Variants in PRMT7 observed in about 807,000 individuals in gnomAD.
PRMT7 encodes protein arginine methyltransferase 7, also known as protein arginine N-methyltransferase 7.
Under a neutral mutation model 85.4 loss-of-function variants are expected in PRMT7, and 75 were observed. The ratio of observed to expected loss-of-function variants is 0.88; its 90% CI spans 0.73 to 1.06. The LOEUF (loss-of-function observed/expected upper bound fraction) is 1.06, where lower values mean the gene tolerates loss of function less well. Ranked by LOEUF, PRMT7 falls within the 50% of genes least tolerant of loss-of-function variation. The pLI, the probability that PRMT7 is intolerant of heterozygous loss-of-function variation, is 0.00. For synonymous variants in PRMT7, 397 were observed against 359.5 expected (o/e 1.10, Z -1.18); for missense variants, 868 against 915.2 (o/e 0.95, Z 0.67).
At position 68,317,104 on chromosome 16, in the gene PRMT7, G is replaced by C. The variant is rs1011108146; in HGVS notation, c.95+1030G>C. On this transcript the variant is annotated intron_variant, in intron 3 of 18. Coordinates refer to ENST00000441236, the MANE Select transcript of PRMT7 (RefSeq NM_019023.5). ...TAAAAAAAAATTAGCTGGGAGTGGT[G>C]GTGGGCGCCTGTAATCCCAGGTACT... 5.3e-5 allele frequency among the ~76,000 whole-genome samples: 8 copies of C among 151,942 alleles called. No individual in the cohort carries two copies. The South Asian group carries it at 1.0e-3, about 20-fold the overall frequency.
chr16:68,349,037 C>T (rs1265933863), intron 14 of PRMT7, among the ~76,000 whole-genome samples: 6 of 152,216 alleles, frequency 3.9e-5, no homozygotes, highest in Middle Eastern at 3.4e-3. Context: ...TCCTCTCCAC[C>T]GCACTCCTGT....
intron 6 of PRMT7, among the ~76,000 whole-genome samples, chr16:68,333,265 C>T (rs2084171709): frequency 6.6e-6 from 1 of 151,950 alleles, no homozygotes; most frequent in African/African-American, 2.4e-5. Flanking sequence ...TGGCGGATCA[C>T]CTGAGGTTGG....
At chr16:68,356,136 C>T (rs1340918864) in intron 17 of PRMT7, among the ~76,000 whole-genome samples, 2 of 152,186 alleles carry the variant, frequency 1.3e-5, no homozygotes, top group African/African-American at 4.8e-5. Context: ...CTTGTTGGAT[C>T]ACAGCTCAGG....
At chr16:68,314,497 G>C (rs1271271289) in intron 2 of PRMT7, among the ~76,000 whole-genome samples, 1 of 152,212 alleles carries the variant, frequency 6.6e-6, no homozygotes, top group African/African-American at 2.4e-5. Context: ...CTCCCAAAGT[G>C]CTGGGATTAC....
intron 6 of PRMT7, among the ~76,000 whole-genome samples, chr16:68,334,877 A>G (rs1463365827): frequency 6.6e-6 from 1 of 152,070 alleles, no homozygotes; most frequent in East Asian, 1.9e-4. Context: ...GCTCACTACA[A>G]CATCTGCCTC....
intron 11 of PRMT7, among the ~76,000 whole-genome samples, 175 bp downstream of exon 11, chr16:68,346,455 G>C (rs1250015264): frequency 1.3e-5 from 2 of 152,204 alleles, no homozygotes; most frequent in African/African-American, 4.8e-5. Flanking sequence ...AGAGCCTGGG[G>C]CTGGACTTCC....
rs562521217 is a variant in PRMT7 at position 68,345,809 on chromosome 16, C to T, written c.1055+7C>T. On this transcript the variant is annotated splice_region_variant and intron_variant, in intron 10 of 18. Coordinates refer to ENST00000441236, the MANE Select transcript of PRMT7 (RefSeq NM_019023.5). ...ACAGCCTGCAGAGGACCAGGTACGT[C>T]GAGCCTCGTGGGGGTGGAGGATGAG... 22 of 1,613,730 alleles carry T rather than the reference C, an allele frequency of 1.4e-5. No homozygotes were observed. Among genetic ancestry groups the T allele is most frequent in the East Asian group, 6.7e-5 (3 of 44,884 alleles).
chr16:68,345,371 G>C lies in PRMT7; in HGVS notation c.928-304G>C, dbSNP rs146111348. 9.2e-3 allele frequency among the ~76,000 whole-genome samples: 1,394 copies of C among 152,310 alleles called. 23 individuals carry two copies. The highest frequency in any genetic ancestry group is 0.032 in the African/African-American group (1,322 of 41,566). On this transcript the variant is annotated intron_variant, in intron 9 of 18. Coordinates refer to ENST00000441236, the MANE Select transcript of PRMT7 (RefSeq NM_019023.5). ...AGCACAGCTCTACGTGTTGAAGAGA[G>C]AGCTTTGGTGCTACTCTGATGGGGT...
chr16:68,339,457 G>A lies in PRMT7; in HGVS notation c.640G>A (p.Val214Ile), dbSNP rs779888800. The change falls in exon 8 of 19, where the codon GTT becomes ATT. Residue 214 changes from valine to isoleucine, a missense_variant. Coordinates refer to ENST00000441236, the MANE Select transcript of PRMT7 (RefSeq NM_019023.5). ...SLGEQVIVPPVDVESCPGAPS... is the reference protein window; with the variant it reads ...SLGEQVIVPPIDVESCPGAPS... ...CGGAGAGCAGGTCATCGTCCCTCCC[G>A]TTGACGTGGAGAGCTGCCCTGGCGC... 19 of 1,614,088 alleles carry A rather than the reference G, an allele frequency of 1.2e-5. No individual in the cohort carries two copies. The highest frequency in any genetic ancestry group is 2.2e-5 in the South Asian group (2 of 91,088).
At chr16:68,316,213 C>G (rs1597100593) in intron 3 of PRMT7, 139 bp downstream of exon 3, 2 of 716,266 alleles carry the variant, frequency 2.8e-6, no homozygotes, top group East Asian at 2.7e-5. Flanking sequence ...CTGAGCAGGT[C>G]TGCTCAGCCA....
intron 6 of PRMT7, among the ~76,000 whole-genome samples, chr16:68,332,089 G>T (rs2151613274): frequency 6.6e-6 from 1 of 152,298 alleles, no homozygotes; most frequent in South Asian, 2.1e-4. Flanking sequence ...ATGCAGTTGG[G>T]TTACTTGCAG....
At chr16:68,346,395 G>T in intron 11 of PRMT7, 115 bp downstream of exon 11, 1 of 1,486,116 alleles carries the variant, frequency 6.7e-7, no homozygotes, top group East Asian at 2.3e-5. Context: ...TCTTGTCTAT[G>T]AGTGGCTTCA....
downstream of PRMT7, chr16:68,358,916 G>T (rs954760708): frequency 1.4e-4 from 21 of 152,740 alleles, no homozygotes; most frequent in African/African-American, 4.1e-4. Context: ...TGGGTGGGGG[G>T]GTCCCGGTCT....
intron 5 of PRMT7, chr16:68,328,497 G>A (rs1956095689): frequency 7.8e-6 from 1 of 128,232 alleles, no homozygotes; most frequent in East Asian, 2.6e-4. Context: ...CCATGGAACA[G>A]TATGTATGTA....
At chr16:68,353,432 C>T (rs56365255) in intron 15 of PRMT7, 60 bp from the exon 16 acceptor site, 51 of 1,605,298 alleles carry the variant, frequency 3.2e-5, no homozygotes, top group Non-Finnish European at 4.0e-5. Context: ...CTTGTTCTTG[C>T]TGCCACGCTT....
In PRMT7 at chr16:68,339,473, G is replaced by A; in HGVS notation, c.656G>A (p.Cys219Tyr). ...GTCCCTCCCGTTGACGTGGAGAGCTGCCCTGGCGCACCCTCTGTCTGTGAC... is the reference window on the plus strand; with the variant it reads ...GTCCCTCCCGTTGACGTGGAGAGCTACCCTGGCGCACCCTCTGTCTGTGAC... ...VIVPPVDVESCPGAPSVCDIQ... is the reference protein window; with the variant it reads ...VIVPPVDVESYPGAPSVCDIQ... Residue 219 changes from cysteine (C) to tyrosine (Y), a missense_variant, in exon 8 of 19, where the codon TGC becomes TAC. Physicochemically the swap from Cys to Tyr is radical, Grantham distance 194 (BLOSUM62 -2). Coordinates refer to ENST00000441236, the MANE Select transcript of PRMT7 (RefSeq NM_019023.5). 1 of 1,614,226 alleles carries A rather than the reference G, an allele frequency of 6.2e-7. No homozygotes were observed. Among genetic ancestry groups the A allele is most frequent in the South Asian group, 1.1e-5 (1 of 91,082 alleles).
At chr16:68,324,475 T>G in intron 4 of PRMT7, 1 of 593,034 alleles carries the variant, frequency 1.7e-6, no homozygotes, top group Non-Finnish European at 3.0e-6. Context: ...GAAGAGTGAG[T>G]GTGGAGCAGG....
chr16:68,322,980 G>A (rs2082671326), intron 4 of PRMT7, among the ~76,000 whole-genome samples: 1 of 151,944 alleles, frequency 6.6e-6, no homozygotes, highest in South Asian at 2.1e-4. Flanking sequence ...CTTGCAGTGA[G>A]CCGAGATTGC....
At chr16:68,355,030 T>G (rs2088111520) in intron 16 of PRMT7, 1 of 152,740 alleles carries the variant, frequency 6.5e-6, no homozygotes, top group Non-Finnish European at 1.5e-5. Context: ...GTCCCCTGAC[T>G]GCTGCCGTCC....
Sources: gnomAD v4.1 joint callset for allele counts (sites outside exome capture counted in the v4.1 genomes callset) on GRCh38, gnomAD v4.1.1 for gene constraint, MANE v1.5 for transcripts, NCBI Gene and HGNC (gene_info 2026-07-23, HGNC 2026-07-21) for gene names.